Variants in NFAT5 observed in about 807,000 individuals in gnomAD.
NFAT5 encodes the protein nuclear factor of activated T-cells 5.
NFAT5 carries 31 observed loss-of-function variants against 166.5 expected under a neutral mutation model. The observed-to-expected ratio is 0.19, with a 90% CI of 0.14 to 0.25. NFAT5 has a LOEUF of 0.25. NFAT5 is among the 10% of genes least tolerant of loss of function. The pLI is 1.00. For synonymous variants in NFAT5, 612 were observed against 639.7 expected, an observed-to-expected ratio of 0.96 and a Z score of 0.65; for missense variants, 1,449 against 1,821.8, an observed-to-expected ratio of 0.80 and a Z score of 3.72.
rs1020244269 is a variant in NFAT5 at position 69,696,421 on chromosome 16, T to G, written c.*70T>G. On this transcript the variant is annotated 3_prime_UTR_variant, in exon 15 of 15. Coordinates refer to ENST00000349945, the MANE Select transcript of NFAT5 (RefSeq NM_138713.4). ...TGAGATCTTGTGGTTCCATGAGAATTATTACTTTAAAAACAAAACAAAATA... is the reference window on the plus strand; with the variant it reads ...TGAGATCTTGTGGTTCCATGAGAATGATTACTTTAAAAACAAAACAAAATA... 9.2e-5 allele frequency: 14 copies of G among 152,720 alleles called. No individual in the cohort carries two copies. Among genetic ancestry groups the G allele is most frequent in the African/African-American group, 3.1e-4 (13 of 41,562 alleles). The allele number at this position is 152,720 out of a possible 1,614,324, so 9.5% of individuals were successfully genotyped here. A position where few individuals can be genotyped will look rare whatever the true frequency, so the allele number is the denominator to read the frequency against.
chr16:69,672,193 T>C (rs2036650993), intron 9 of NFAT5, among the ~76,000 whole-genome samples: 1 of 152,226 alleles, frequency 6.6e-6, no homozygotes, highest in African/African-American at 2.4e-5. Context: ...CCTCTGGCCT[T>C]ATGCAACTAC....
At chr16:69,577,663 A>G (rs2016833659) in intron 2 of NFAT5, among the ~76,000 whole-genome samples, 1 of 152,160 alleles carries the variant, frequency 6.6e-6, no homozygotes, top group Admixed American at 6.5e-5. Flanking sequence ...ACAAAGGACC[A>G]AAAGTAGCTT....
chr16:69,625,448 ATT>A (rs1485739427), intron 2 of NFAT5, among the ~76,000 whole-genome samples: 2 of 151,988 alleles, frequency 1.3e-5, no homozygotes, highest in African/African-American at 4.8e-5. Flanking sequence ...ATGCAGTCTG[ATT>A]TAAGAGTTTC....
chr16:69,611,068 T>C (rs1044763262), intron 2 of NFAT5, among the ~76,000 whole-genome samples: 3 of 152,214 alleles, frequency 2.0e-5, no homozygotes. Flanking sequence ...GCTGTTGATC[T>C]TGTGAATTTA....
intron 3 of NFAT5, among the ~76,000 whole-genome samples, chr16:69,641,887 T>C (rs535044472): frequency 6.6e-6 from 1 of 151,882 alleles, no homozygotes; most frequent in East Asian, 1.9e-4. Flanking sequence ...CCCTTGAGCC[T>C]AGGAGTTCAA....
intron 4 of NFAT5, chr16:69,648,442 G>A: frequency 4.1e-6 from 4 of 983,734 alleles, no homozygotes; most frequent in Non-Finnish European, 4.8e-6. Context: ...TGATTGTACA[G>A]AGTCGATATT....
chr16:69,636,527 G>A (rs1292091836), intron 3 of NFAT5, among the ~76,000 whole-genome samples: 1 of 152,168 alleles, frequency 6.6e-6, no homozygotes, highest in East Asian at 1.9e-4. Flanking sequence ...GGCATCCAGG[G>A]GTTTCCATAC....
chr16:69,662,450 CTTTTTTTTTTT>C (rs539200298), intron 7 of NFAT5, among the ~76,000 whole-genome samples: 2 of 97,020 alleles, frequency 2.1e-5, no homozygotes, highest in Non-Finnish European at 4.0e-5. Flanking sequence ...ACACCTCTTT[CTTTTTTTTTTT>C]TTTTTTTTTT....
At chr16:69,623,516 T>G (rs1422017620) in intron 2 of NFAT5, among the ~76,000 whole-genome samples, 2 of 150,056 alleles carry the variant, frequency 1.3e-5, no homozygotes, top group Non-Finnish European at 1.5e-5. Context: ...ATTATTGTTA[T>G]TTTTTTTTGA....
chr16:69,602,332 C>T lies in NFAT5; in HGVS notation c.128-24071C>T, dbSNP rs1283177713. On this transcript the variant is annotated intron_variant, in intron 2 of 14. Coordinates refer to ENST00000349945, the MANE Select transcript of NFAT5 (RefSeq NM_138713.4). ...TTGCCCAGGCTGGAGTGCAAGGGTG[C>T]GATCTCGGCTCACTGCAACTGCCTC... is the stretch of plus-strand genomic sequence containing the variant. Among the ~76,000 whole-genome samples the T allele has an allele frequency of 2.7e-5, 4 of 148,046 alleles. No homozygotes were observed. The East Asian group carries it at 5.9e-4, about 22-fold the overall frequency.
Position 69,566,596 on chromosome 16 carries a change from C to T in NFAT5, c.73+222C>T, listed in dbSNP as rs1185318232. ...CTCCCCCGCGGAGCCGCCGGCCGCT[C>T]GGGGCCCAGATTCCGTCGGCCCCCG... On this transcript the variant is annotated intron_variant, in intron 1 of 14. Coordinates refer to ENST00000349945, the MANE Select transcript of NFAT5 (RefSeq NM_138713.4). The surrounding 1 kb of genome is among the most constrained non-coding windows in gnomAD (Gnocchi z 5.7). 1.3e-5 allele frequency among the ~76,000 whole-genome samples: 2 copies of T among 151,940 alleles called. No individual in the cohort carries two copies. Among genetic ancestry groups the T allele is most frequent in the Non-Finnish European group, 2.9e-5 (2 of 67,914 alleles).
Position 69,697,785 on chromosome 16 carries a change from C to T in NFAT5, c.*1434C>T, listed in dbSNP as rs532395794. On this transcript the variant is annotated 3_prime_UTR_variant, in exon 15 of 15. Coordinates refer to ENST00000349945, the MANE Select transcript of NFAT5 (RefSeq NM_138713.4). ...GGACACATGCTTATGTCTCATTTTC[C>T]TTTTGGCATGTGGAAAGCTGTCAAT... 2 of 152,588 alleles carry T rather than the reference C, an allele frequency of 1.3e-5. No individual in the cohort carries two copies. The highest frequency in any genetic ancestry group is 2.9e-5 in the Non-Finnish European group (2 of 68,040). The allele number at this position is 152,588 out of a possible 1,614,324, so 9.5% of individuals were successfully genotyped here.
rs1567613969 is a variant in NFAT5 at position 69,692,588 on chromosome 16, T to C, written c.2763T>C (p.Ser921=). Residue 921 remains serine, a synonymous_variant, in exon 13 of 15, where the codon AGT becomes AGC. Transcript: ENST00000349945. ...SAAMVMEMQQ[S]ICQAAAQIQS... is the part of the protein sequence containing the mutation. ...CAATGGTGATGGAGATGCAACAGAG[T>C]ATCTGCCAGGCAGCTGCCCAGATTC... The C allele has an allele frequency of 6.2e-7, 1 of 1,614,104 alleles. No homozygotes were observed.
At chr16:69,678,887 TTTAAG>T (rs1227671459) in intron 10 of NFAT5, among the ~76,000 whole-genome samples, 1 of 152,204 alleles carries the variant, frequency 6.6e-6, no homozygotes, top group Non-Finnish European at 1.5e-5. Flanking sequence ...TAACAACTAA[TTTAAG>T]TTAATTGCTT....
rs1296965224 is a variant in NFAT5 at position 69,703,421 on chromosome 16, C to A, written c.*7070C>A. On this transcript the variant is annotated 3_prime_UTR_variant, in exon 15 of 15. Coordinates refer to ENST00000349945, the MANE Select transcript of NFAT5 (RefSeq NM_138713.4). ...TACAATTTGGGCATTTCTCGTTTCT[C>A]AAGTGTATGCATCATGGTAAATATA... 1 of 152,508 alleles carries A rather than the reference C, an allele frequency of 6.6e-6. No individual in the cohort carries two copies. The highest frequency in any genetic ancestry group is 1.9e-4 in the East Asian group (1 of 5,202). 9.4% of individuals were successfully genotyped at this position (152,508 alleles called of 1,614,324 possible). A position where few individuals can be genotyped will look rare whatever the true frequency, so the allele number is the denominator to read the frequency against.
At chr16:69,605,782 C>T (rs928353709) in intron 2 of NFAT5, among the ~76,000 whole-genome samples, 7 of 152,020 alleles carry the variant, frequency 4.6e-5, no homozygotes, top group Admixed American at 2.6e-4. Flanking sequence ...GGCGCAATCT[C>T]GGCTCACTGC....
At chr16:69,652,285 C>T (rs1401301205) in intron 4 of NFAT5, among the ~76,000 whole-genome samples, 1 of 151,912 alleles carries the variant, frequency 6.6e-6, no homozygotes, top group Admixed American at 6.6e-5. Flanking sequence ...AACCCCATCT[C>T]TAACAAAAAT....
At chr16:69,580,291 G>A (rs1313492477) in intron 2 of NFAT5, among the ~76,000 whole-genome samples, 2 of 152,028 alleles carry the variant, frequency 1.3e-5, no homozygotes, top group Non-Finnish European at 2.9e-5. Context: ...ACTTTGGGAG[G>A]CCAAGGTGGG....
At position 69,566,911 on chromosome 16, in the gene NFAT5, C is replaced by T. The variant is rs1460725588; in HGVS notation, c.73+537C>T. ...GTCGTTCCACCCCCTCTCCCTCCGGCCTAGTCCACTCCCTCCCCATGTTGG... is the reference window on the plus strand; with the variant it reads ...GTCGTTCCACCCCCTCTCCCTCCGGTCTAGTCCACTCCCTCCCCATGTTGG... On this transcript the variant is annotated intron_variant, in intron 1 of 14. Coordinates refer to ENST00000349945, the MANE Select transcript of NFAT5 (RefSeq NM_138713.4). The surrounding 1 kb of genome is among the most constrained non-coding windows in gnomAD (Gnocchi z 5.7). Among the ~76,000 whole-genome samples the T allele has an allele frequency of 1.3e-5, 2 of 152,168 alleles. No individual in the cohort carries two copies. Among genetic ancestry groups the T allele is most frequent in the African/African-American group, 4.8e-5 (2 of 41,452 alleles).
Sources: gnomAD v4.1 joint callset for allele counts (sites outside exome capture counted in the v4.1 genomes callset) on GRCh38, gnomAD v4.1.1 for gene constraint, Gnocchi (gnomAD v3.1) non-coding constraint, MANE v1.5 for transcripts, NCBI Gene and HGNC (gene_info 2026-07-23, HGNC 2026-07-21) for gene names.